Variants in SHISA6 observed in about 807,000 individuals in gnomAD.
SHISA6 encodes protein shisa-6.
A neutral mutation model predicts 47.9 loss-of-function variants in SHISA6; 22 were observed. That is an observed-to-expected ratio of 0.46 (90% confidence interval 0.33 to 0.66). The LOEUF is 0.66. SHISA6 is among the 30% of genes least tolerant of loss of function. The pLI is 0.02. For missense variants in SHISA6, 680 were observed against 764.6 expected, an observed-to-expected ratio of 0.89 and a Z score of 1.30; for synonymous variants, 388 against 337.8, an observed-to-expected ratio of 1.15 and a Z score of -1.63.
intron 3 of SHISA6, among the ~76,000 whole-genome samples, chr17:11,518,444 A>AACAC (rs145506282): frequency 1.3e-5 from 2 of 151,214 alleles, no homozygotes; most frequent in South Asian, 2.1e-4. Flanking sequence ...TGGGCCAGGA[A>AACAC]ACACACACAC....
At position 11,561,019 on chromosome 17, in the gene SHISA6, A is replaced by G. The variant is rs1208684412; in HGVS notation, c.*2715A>G. ...CCCACATTTCAAAATCCAGAAAACT[A>G]TGTCATAGCTGGGACAGAGAGGTAT... is the stretch of plus-strand genomic sequence containing the variant. On this transcript the variant is annotated 3_prime_UTR_variant, in exon 6 of 6. Coordinates refer to ENST00000441885, the MANE Select transcript of SHISA6 (RefSeq NM_207386.4). 1 of 152,166 alleles carries G rather than the reference A, an allele frequency of 6.6e-6. No individual in the cohort carries two copies. Among genetic ancestry groups the G allele is most frequent in the Non-Finnish European group, 1.5e-5 (1 of 68,036 alleles). The allele number at this position is 152,166 out of a possible 1,614,324, so 9.4% of individuals were successfully genotyped here.
At chr17:11,397,712 C>A (rs1383455115) in intron 3 of SHISA6, among the ~76,000 whole-genome samples, 1 of 148,034 alleles carries the variant, frequency 6.8e-6, no homozygotes, top group Non-Finnish European at 1.5e-5. Context: ...CAGTTAAATT[C>A]TTCTCATCTT....
intron 3 of SHISA6, among the ~76,000 whole-genome samples, chr17:11,439,950 A>G (rs954378433): frequency 2.0e-5 from 3 of 152,180 alleles, no homozygotes; most frequent in Non-Finnish European, 4.4e-5. Flanking sequence ...GATGGACCCT[A>G]ATTGCACTTT....
chr17:11,446,166 C>T (rs1475402550), intron 3 of SHISA6, among the ~76,000 whole-genome samples: 1 of 152,114 alleles, frequency 6.6e-6, no homozygotes, highest in Non-Finnish European at 1.5e-5. Context: ...TTGAAAGAGG[C>T]ACAAAAGTTA....
intron 2 of SHISA6, among the ~76,000 whole-genome samples, chr17:11,317,933 TC>T (rs1910579545): frequency 1.3e-5 from 2 of 152,284 alleles, no homozygotes; most frequent in South Asian, 4.2e-4. Flanking sequence ...TTTTTACTTA[TC>T]CCTCAGCCAT....
chr17:11,370,538 C>T (rs915289595), intron 2 of SHISA6, among the ~76,000 whole-genome samples: 2 of 152,180 alleles, frequency 1.3e-5, no homozygotes, highest in Admixed American at 6.5e-5. Flanking sequence ...GGTTCGCTTA[C>T]GAACTGCTTT....
chr17:11,267,679 T>C (rs545919317), intron 2 of SHISA6, among the ~76,000 whole-genome samples: 84 of 152,296 alleles, frequency 5.5e-4, no homozygotes, highest in African/African-American at 1.9e-3. Flanking sequence ...TTTGAAGATT[T>C]TGAATGTAGG....
chr17:11,263,262 C>A, intron 1 of SHISA6, 104 bp from the exon 2 acceptor site: 1 of 1,209,956 alleles, frequency 8.3e-7, no homozygotes, highest in Non-Finnish European at 1.2e-6. Flanking sequence ...CTGTCTCTTC[C>A]TGCATCTCTG....
intron 3 of SHISA6, among the ~76,000 whole-genome samples, chr17:11,422,799 A>C (rs191740337): frequency 4.5e-4 from 68 of 151,308 alleles, no homozygotes; most frequent in African/African-American, 1.4e-3. Flanking sequence ...AGGCCAGGAG[A>C]TCTTCACAGA....
chr17:11,389,888 A>G (rs1045019569), intron 3 of SHISA6, among the ~76,000 whole-genome samples: 1 of 152,106 alleles, frequency 6.6e-6, no homozygotes, highest in Non-Finnish European at 1.5e-5. Context: ...AAGCTAAGCT[A>G]TGGGGCTAAG....
Position 11,329,359 on chromosome 17 carries a change from A to G in SHISA6, c.800-50055A>G, listed in dbSNP as rs377633622. On this transcript the variant is annotated intron_variant, in intron 2 of 5. Transcript: ENST00000441885. ...ATCTCTATCTTAAAAATGTAAATCG[A>G]CACCAAATTTGTGGAAATAATGTGC... Among the ~76,000 whole-genome samples the G allele has an allele frequency of 1.2e-4, 19 of 152,244 alleles. 1 individual carries two copies. The East Asian group carries it at 2.5e-3, about 20-fold the overall frequency.
At chr17:11,452,857 CT>C (rs1915440382) in intron 3 of SHISA6, among the ~76,000 whole-genome samples, 3 of 151,254 alleles carry the variant, frequency 2.0e-5, no homozygotes, top group African/African-American at 7.3e-5. Flanking sequence ...CCTTGTTCTC[CT>C]ACGACTACTT....
intron 3 of SHISA6, among the ~76,000 whole-genome samples, chr17:11,505,314 T>C (rs572557369): frequency 6.6e-6 from 1 of 152,324 alleles, no homozygotes; most frequent in East Asian, 1.9e-4. Flanking sequence ...AGCAGCATCC[T>C]TCTTGGACTT....
intron 3 of SHISA6, among the ~76,000 whole-genome samples, chr17:11,488,209 C>T (rs1005097649): frequency 1.3e-5 from 2 of 151,938 alleles, no homozygotes; most frequent in Non-Finnish European, 2.9e-5. Flanking sequence ...TGCGAATTGG[C>T]CCTGAGAAAT....
At chr17:11,414,125 C>T (rs1162517008) in intron 3 of SHISA6, among the ~76,000 whole-genome samples, 6 of 151,780 alleles carry the variant, frequency 4.0e-5, no homozygotes, top group Admixed American at 3.9e-4. Context: ...TCTCCTCCTT[C>T]TCCTCCTCCT....
intron 3 of SHISA6, among the ~76,000 whole-genome samples, chr17:11,461,396 CAAAAAAAA>C (rs778616587): frequency 2.6e-5 from 2 of 76,644 alleles, no homozygotes; most frequent in African/African-American, 5.1e-5. Context: ...GACTCCATCT[CAAAAAAAA>C]AAAAAAAAAA....
chr17:11,444,351 A>G (rs1915177263), intron 3 of SHISA6, among the ~76,000 whole-genome samples: 1 of 152,136 alleles, frequency 6.6e-6, no homozygotes, highest in Non-Finnish European at 1.5e-5. Context: ...GAAAGGAAGG[A>G]GAAAATTAAA....
intron 2 of SHISA6, among the ~76,000 whole-genome samples, chr17:11,264,902 A>G (rs997048240): frequency 6.6e-6 from 1 of 152,242 alleles, no homozygotes; most frequent in African/African-American, 2.4e-5. Context: ...ACATATTCAT[A>G]TTCAATCAAC....
intron 3 of SHISA6, among the ~76,000 whole-genome samples, chr17:11,415,413 A>G (rs915981874): frequency 6.6e-6 from 1 of 152,220 alleles, no homozygotes; most frequent in East Asian, 1.9e-4. Context: ...GAAAGTAATT[A>G]TAAATGAACC....
Sources: gnomAD v4.1 joint callset for allele counts (sites outside exome capture counted in the v4.1 genomes callset) on GRCh38, gnomAD v4.1.1 for gene constraint, MANE v1.5 for transcripts, NCBI Gene and HGNC (gene_info 2026-07-23, HGNC 2026-07-21) for gene names.